The following NRG3 variants were observed in gnomAD, a reference collection of about 807,000 sequenced individuals.
The protein encoded by NRG3 is neuregulin 3.
NRG3 carries 31 observed loss-of-function variants against 66.9 expected under a neutral mutation model. The ratio of observed to expected loss-of-function variants is 0.46; its 90% CI spans 0.35 to 0.63. The LOEUF is 0.63. Among genes scored for constraint, NRG3 ranks in the 20% least tolerant of loss-of-function variants. NRG3 has a pLI of 0.00. For synonymous variants in NRG3, 393 were observed against 359.4 expected, an observed-to-expected ratio of 1.09 and a Z score of -1.06; for missense variants, 910 against 878.9, an observed-to-expected ratio of 1.04 and a Z score of -0.45.
intron 1 of NRG3, among the ~76,000 whole-genome samples, chr10:82,231,218 C>T: frequency 6.6e-6 from 1 of 152,056 alleles, no homozygotes; most frequent in East Asian, 1.9e-4. Context: ...TGGCAGGTGC[C>T]CGTAATCCCA....
intron 2 of NRG3, among the ~76,000 whole-genome samples, chr10:82,520,264 A>G (rs1446930342): frequency 6.6e-6 from 1 of 151,328 alleles, no homozygotes; most frequent in Non-Finnish European, 1.5e-5. Flanking sequence ...TTTAGTCAAA[A>G]TTAATACATG....
chr10:82,846,010 G>GTCTA (rs1186126483), intron 3 of NRG3, among the ~76,000 whole-genome samples: 2 of 152,102 alleles, frequency 1.3e-5, no homozygotes, highest in Non-Finnish European at 2.9e-5. Flanking sequence ...ATTGTCAACA[G>GTCTA]TCTATAGTTG....
chr10:82,063,130 C>T (rs988872673), intron 1 of NRG3, among the ~76,000 whole-genome samples: 3 of 152,158 alleles, frequency 2.0e-5, no homozygotes, highest in African/African-American at 4.8e-5. Flanking sequence ...TCCCAGGAGT[C>T]CCCTCCACCT....
intron 1 of NRG3, among the ~76,000 whole-genome samples, chr10:81,925,924 C>G (rs183667115): frequency 3.3e-5 from 5 of 152,050 alleles, no homozygotes; most frequent in Admixed American, 2.6e-4. Flanking sequence ...ATAGCTCTCC[C>G]CTCAAAGGTG....
chr10:82,651,705 G>C (rs990170775), intron 2 of NRG3, among the ~76,000 whole-genome samples: 7 of 152,218 alleles, frequency 4.6e-5, no homozygotes, highest in African/African-American at 1.4e-4. Context: ...GAGACATTTT[G>C]GTTGTCACAA....
chr10:82,146,374 C>T (rs895389482), intron 1 of NRG3, among the ~76,000 whole-genome samples: 3 of 152,032 alleles, frequency 2.0e-5, no homozygotes, highest in Non-Finnish European at 4.4e-5. Context: ...CTGTGTTATT[C>T]GCCTCAGCTC....
intron 1 of NRG3, among the ~76,000 whole-genome samples, chr10:82,081,630 T>C (rs937597955): frequency 1.3e-5 from 2 of 152,358 alleles, no homozygotes; most frequent in African/African-American, 2.4e-5. Context: ...TTAATTACAT[T>C]GTTTCCACGT....
At chr10:82,671,129 C>A (rs1001675850) in intron 2 of NRG3, among the ~76,000 whole-genome samples, 4 of 152,184 alleles carry the variant, frequency 2.6e-5, no homozygotes, top group Non-Finnish European at 5.9e-5. Flanking sequence ...TCCTCCCACA[C>A]CCCAAGGTCC....
intron 1 of NRG3, among the ~76,000 whole-genome samples, chr10:82,170,756 TAG>T (rs1412572582): frequency 1.4e-5 from 2 of 145,550 alleles, no homozygotes; most frequent in Non-Finnish European, 3.0e-5. Context: ...TCATTACAAA[TAG>T]AGTCAGCTTT....
chr10:82,438,588 G>A (rs1262644890), intron 2 of NRG3, among the ~76,000 whole-genome samples: 1 of 152,222 alleles, frequency 6.6e-6, no homozygotes, highest in Admixed American at 6.5e-5. Flanking sequence ...GAAGTCATTA[G>A]GATTAAGCAG....
chr10:82,172,466 C>T (rs1193885806), intron 1 of NRG3, among the ~76,000 whole-genome samples: 3 of 152,106 alleles, frequency 2.0e-5, no homozygotes, highest in Admixed American at 2.0e-4. Flanking sequence ...ATGTTTGTAA[C>T]ATATGTCCTT....
chr10:82,431,550 C>A (rs748766322), intron 2 of NRG3, among the ~76,000 whole-genome samples: 1 of 152,104 alleles, frequency 6.6e-6, no homozygotes, highest in Admixed American at 6.5e-5. Flanking sequence ...TGTCAGTGTT[C>A]TAATTTCTTT....
At chr10:82,928,069 T>A (rs1446361062) in intron 4 of NRG3, among the ~76,000 whole-genome samples, 1 of 152,230 alleles carries the variant, frequency 6.6e-6, no homozygotes, top group Non-Finnish European at 1.5e-5. Flanking sequence ...CATTGCAGTT[T>A]TGATTTGCAT....
At chr10:82,273,299 A>G (rs1205561024) in intron 1 of NRG3, among the ~76,000 whole-genome samples, 2 of 150,464 alleles carry the variant, frequency 1.3e-5, no homozygotes, top group Non-Finnish European at 3.0e-5. Context: ...AGCTCTAAAG[A>G]CTCTTCTGTA....
intron 2 of NRG3, among the ~76,000 whole-genome samples, chr10:82,652,288 C>T (rs1354643658): frequency 6.6e-6 from 1 of 152,162 alleles, no homozygotes; most frequent in Non-Finnish European, 1.5e-5. Flanking sequence ...CTTTTTGTAT[C>T]CACACTCTTG....
intron 2 of NRG3, among the ~76,000 whole-genome samples, chr10:82,591,150 G>A (rs1006457082): frequency 8.5e-5 from 13 of 152,262 alleles, no homozygotes; most frequent in Middle Eastern, 3.4e-3. Context: ...CATACGGCCC[G>A]GGTGACGGGC....
At chr10:82,785,319 C>T (rs555765358) in intron 3 of NRG3, among the ~76,000 whole-genome samples, 2 of 151,192 alleles carry the variant, frequency 1.3e-5, no homozygotes, top group Admixed American at 6.6e-5. Flanking sequence ...CTAACCTGCA[C>T]ATTGTGCACG....
At position 82,898,562 on chromosome 10, in the gene NRG3, A is replaced by G. The variant is rs111439745; in HGVS notation, c.1054+33125A>G. Among the ~76,000 whole-genome samples, 834 of 152,232 alleles carry G rather than the reference A, an allele frequency of 5.5e-3. 9 individuals carry two copies. The highest frequency in any genetic ancestry group is 0.019 in the African/African-American group (789 of 41,548). On this transcript the variant is annotated intron_variant, in intron 4 of 8. Transcript: ENST00000372141. ...GGAATGACCTTGGACATCCAGATTG[A>G]TTGCATACACATTTGCATGATGCTC...
chr10:82,949,182 G>A (rs1849292816), intron 4 of NRG3, among the ~76,000 whole-genome samples: 1 of 151,928 alleles, frequency 6.6e-6, no homozygotes, highest in African/African-American at 2.4e-5. Context: ...GAATCACATT[G>A]ATTAATTTTA....
Sources: gnomAD v4.1 joint callset for allele counts (sites outside exome capture counted in the v4.1 genomes callset) on GRCh38, gnomAD v4.1.1 for gene constraint, MANE v1.5 for transcripts, NCBI Gene and HGNC (gene_info 2026-07-23, HGNC 2026-07-21) for gene names.